Variants in DCDC2 observed in about 807,000 individuals in gnomAD.
The protein encoded by DCDC2 is doublecortin domain-containing protein 2.
Under a neutral mutation model 50.2 loss-of-function variants are expected in DCDC2, and 40 were observed. That is an observed-to-expected ratio of 0.80 (90% CI 0.62 to 1.04). The LOEUF (loss-of-function observed/expected upper bound fraction) is 1.04, where lower values mean the gene tolerates loss of function less well. Among genes scored for constraint, DCDC2 ranks in the 50% least tolerant of loss-of-function variants. DCDC2 has a pLI of 0.00. For missense variants in DCDC2, 570 were observed against 581.9 expected (o/e 0.98, Z 0.21); for synonymous variants, 234 against 210.6 (o/e 1.11, Z -0.96).
At position 24,291,477 on chromosome 6, in the gene DCDC2, C is replaced by CT. The variant is rs71002483; in HGVS notation, c.558-400dup. On this transcript the variant is annotated intron_variant, in intron 4 of 9. Coordinates refer to ENST00000378454, the MANE Select transcript of DCDC2 (RefSeq NM_016356.5). ...TTCTTCTATTTATATTTTGTTAATA[C>CT]TTTTTTTTTTTTTTTTTTTTTTTTT... Among the ~76,000 whole-genome samples, 420 of 86,608 alleles carry CT rather than the reference C, an allele frequency of 4.8e-3. 9 individuals are homozygous for CT. Among genetic ancestry groups the CT allele is most frequent in the Non-Finnish European group, 6.5e-3 (309 of 47,882 alleles). The allele number at this position is 86,608 out of a possible 152,430, so 56.8% of individuals were successfully genotyped here.
chr6:24,320,129 C>T (rs1759745401), intron 2 of DCDC2, among the ~76,000 whole-genome samples: 1 of 152,118 alleles, frequency 6.6e-6, no homozygotes, highest in African/African-American at 2.4e-5. Flanking sequence ...TATAGGTTAG[C>T]AATTCTAAAT....
At chr6:24,237,557 T>C (rs1236348936) in intron 7 of DCDC2, among the ~76,000 whole-genome samples, 2 of 152,158 alleles carry the variant, frequency 1.3e-5, no homozygotes, top group East Asian at 3.9e-4. Context: ...AAACCAGTAA[T>C]CCCATTACTG....
intron 7 of DCDC2, chr6:24,205,390 C>A: frequency 7.1e-7 from 1 of 1,406,540 alleles, no homozygotes; most frequent in South Asian, 1.5e-5. Context: ...GCCCTTTGTA[C>A]AGGCATTGAG....
At chr6:24,238,063 A>G (rs1762485766) in intron 7 of DCDC2, among the ~76,000 whole-genome samples, 2 of 108,626 alleles carry the variant, frequency 1.8e-5, no homozygotes, top group African/African-American at 6.2e-5. Flanking sequence ...TGTGCACCTG[A>G]ATCTAAAATA....
intron 2 of DCDC2, among the ~76,000 whole-genome samples, chr6:24,331,103 A>T (rs1411719646): frequency 1.3e-5 from 2 of 152,158 alleles, no homozygotes; most frequent in Non-Finnish European, 2.9e-5. Flanking sequence ...TCAAACAGCT[A>T]ATGAAATATC....
chr6:24,273,677 A>T (rs1268286238), intron 7 of DCDC2, among the ~76,000 whole-genome samples: 4 of 152,202 alleles, frequency 2.6e-5, no homozygotes, highest in South Asian at 2.1e-4. Context: ...GTTACTGGGA[A>T]CCATGCAAGT....
intron 4 of DCDC2, among the ~76,000 whole-genome samples, chr6:24,293,654 G>T (rs1763799773): frequency 6.6e-6 from 1 of 152,148 alleles, no homozygotes; most frequent in African/African-American, 2.4e-5. Flanking sequence ...AGATATTCAG[G>T]ACCTGAACTC....
chr6:24,221,873 T>A (rs1762127033), intron 7 of DCDC2, among the ~76,000 whole-genome samples: 1 of 152,208 alleles, frequency 6.6e-6, no homozygotes, highest in Non-Finnish European at 1.5e-5. Flanking sequence ...GGAGGAAGCA[T>A]CACCACTGTT....
intron 8 of DCDC2, among the ~76,000 whole-genome samples, chr6:24,180,938 C>T (rs933759997): frequency 3.9e-5 from 6 of 152,078 alleles, no homozygotes; most frequent in African/African-American, 1.4e-4. Context: ...TATCTTCTGT[C>T]AAAAATAAAG....
At chr6:24,327,479 T>TTGATTGATTG (rs1554119357) in intron 2 of DCDC2, among the ~76,000 whole-genome samples, 2 of 130,180 alleles carry the variant, frequency 1.5e-5, no homozygotes, top group African/African-American at 7.6e-5. Flanking sequence ...TTTATTTATT[T>TTGATTGATTG]ATTTATTGGC....
At chr6:24,274,608 A>C (rs1763310503) in intron 7 of DCDC2, among the ~76,000 whole-genome samples, 6 of 3,572 alleles carry the variant, frequency 1.7e-3, no homozygotes, top group East Asian at 0.083. Context: ...ACAGAGTCAA[A>C]AAAAAAAAAA....
intron 4 of DCDC2, among the ~76,000 whole-genome samples, chr6:24,300,544 T>C (rs1759350253): frequency 6.6e-6 from 1 of 152,226 alleles, no homozygotes; most frequent in South Asian, 2.1e-4. Context: ...ATGTAAAGTA[T>C]TCCTTTCAAT....
intron 7 of DCDC2, among the ~76,000 whole-genome samples, chr6:24,250,009 C>G (rs72830843): frequency 0.096 from 14,663 of 152,188 alleles, 873 homozygotes; most frequent in East Asian, 0.16. Flanking sequence ...TAGGCACTGA[C>G]GAGAGCAGTA....
chr6:24,297,495 A>G (rs902046675), intron 4 of DCDC2, among the ~76,000 whole-genome samples: 3 of 152,194 alleles, frequency 2.0e-5, no homozygotes, highest in Admixed American at 6.5e-5. Flanking sequence ...TTCTCTAAGT[A>G]TTCAAGTGTT....
At chr6:24,177,132 A>G (rs1224325393) in intron 9 of DCDC2, among the ~76,000 whole-genome samples, 12 of 152,336 alleles carry the variant, frequency 7.9e-5, no homozygotes, top group Admixed American at 7.2e-4. Context: ...CTACTACAAC[A>G]AAGAGTTGTA....
At chr6:24,194,504 A>G (rs1447588874) in intron 8 of DCDC2, among the ~76,000 whole-genome samples, 1 of 152,212 alleles carries the variant, frequency 6.6e-6, no homozygotes, top group Non-Finnish European at 1.5e-5. Flanking sequence ...GTTCTGTCAA[A>G]TTAAACAAAC....
At chr6:24,207,256 T>TTCTCTCTCTCTCTCTCTCTCTCTC (rs60603298) in intron 7 of DCDC2, among the ~76,000 whole-genome samples, 64 of 129,682 alleles carry the variant, frequency 4.9e-4, no homozygotes, top group African/African-American at 1.1e-3. Flanking sequence ...CCATCTATCT[T>TTCTCTCTCTCTCTCTCTCTCTCTC]TCTCTCTCTC....
At chr6:24,375,186 G>A in the DCDC2 span, among the ~76,000 whole-genome samples, 60 of 152,302 alleles carry the variant, frequency 3.9e-4, no homozygotes, top group African/African-American at 1.3e-3. Flanking sequence ...CCTGCCCTGA[G>A]ATTTCCCTGG....
At chr6:24,196,223 CT>C (rs11347091) in intron 8 of DCDC2, among the ~76,000 whole-genome samples, 94,596 of 147,442 alleles carry the variant, frequency 0.64, 30,680 homozygotes, top group Admixed American at 0.7. Flanking sequence ...TAATAATTGG[CT>C]TTTTTTTTTT....
Sources: gnomAD v4.1 joint callset for allele counts (sites outside exome capture counted in the v4.1 genomes callset) on GRCh38, gnomAD v4.1.1 for gene constraint, MANE v1.5 for transcripts, NCBI Gene and HGNC (gene_info 2026-07-23, HGNC 2026-07-21) for gene names.